Variants in MAP1S observed in about 807,000 individuals in gnomAD.
MAP1S encodes the protein microtubule-associated protein 1S.
MAP1S carries 27 observed loss-of-function variants against 60.9 expected under a neutral mutation model. That is an observed-to-expected ratio of 0.44 (90% CI 0.33 to 0.61). MAP1S has a LOEUF of 0.61. Ranked by LOEUF, MAP1S falls within the 20% of genes least tolerant of loss-of-function variation. The probability of loss-of-function intolerance (pLI) is 0.03; values close to 1 mark genes in which losing one functional copy is unlikely to be tolerated. For missense variants in MAP1S, 1,608 were observed against 1,486.6 expected, an observed-to-expected ratio of 1.08 and a Z score of -1.34; for synonymous variants, 826 against 694.2, an observed-to-expected ratio of 1.19 and a Z score of -2.98.
intron 5 of MAP1S, among the ~76,000 whole-genome samples, chr19:17,729,834 TG>T (rs1178323967): frequency 2.0e-5 from 3 of 152,186 alleles, no homozygotes; most frequent in Non-Finnish European, 2.9e-5. Context: ...AGCTAATTTT[TG>T]TATTTTTAGT....
chr19:17,724,369 C>T (rs540934874), intron 3 of MAP1S, among the ~76,000 whole-genome samples, 161 bp downstream of exon 3: 3 of 152,224 alleles, frequency 2.0e-5, no homozygotes, highest in African/African-American at 7.2e-5. Context: ...CTTCAGCCTC[C>T]GCTTCTTCCC....
At chr19:17,723,363 A>G (rs1398204576) in intron 2 of MAP1S, among the ~76,000 whole-genome samples, 12 of 151,222 alleles carry the variant, frequency 7.9e-5, no homozygotes. Context: ...CCTGACCCAC[A>G]TGTTAAAACC....
chr19:17,729,726 G>A (rs191622579), intron 5 of MAP1S, among the ~76,000 whole-genome samples: 12 of 152,042 alleles, frequency 7.9e-5, no homozygotes, highest in East Asian at 3.9e-4. Context: ...GCAGTGGTGC[G>A]ATCTGAGCTC....
rs758759181 is a variant in MAP1S at position 17,727,411 on chromosome 19, C to T, written c.2027C>T (p.Thr676Met). The change falls in exon 5 of 7, where the codon ACG becomes ATG. Residue 676 changes from threonine to methionine, a missense_variant. By Grantham distance (81) the Thr-to-Met change is moderately conservative. Coordinates refer to ENST00000324096, the MANE Select transcript of MAP1S (RefSeq NM_018174.6). The surrounding 1 kb of genome is among the most constrained non-coding windows in gnomAD (Gnocchi z 4.1). Reference protein sequence around the residue: ...PDASPTVTTPTVTTPSLPAEV... With the variant: ...PDASPTVTTPMVTTPSLPAEV... ...GCCTCACCCACAGTGACCACACCCA[C>T]GGTGACCACGCCCTCACTACCCGCA... The T allele has an allele frequency of 1.3e-6, 2 of 1,598,444 alleles. No homozygotes were observed. Among genetic ancestry groups the T allele is most frequent in the South Asian group, 1.1e-5 (1 of 89,520 alleles).
At chr19:17,724,253 C>T (rs1475977659) in intron 3 of MAP1S, 45 bp downstream of exon 3, 26 of 1,502,202 alleles carry the variant, frequency 1.7e-5, no homozygotes, top group East Asian at 4.5e-5. Context: ...TGCTGGGACC[C>T]GTGCCTTCTC....
At chr19:17,724,564 A>G (rs1375169988) in intron 3 of MAP1S, among the ~76,000 whole-genome samples, 4 of 152,180 alleles carry the variant, frequency 2.6e-5, no homozygotes, top group Non-Finnish European at 5.9e-5. Flanking sequence ...AACATTAACC[A>G]GCTTGTGGCC....
In MAP1S at chr19:17,727,701, C is replaced by G. The variant is rs780502234; in HGVS notation, c.2317C>G (p.Arg773Gly). The change falls in exon 5 of 7, where the codon CGG becomes GGG. Residue 773 changes from arginine to glycine, a missense_variant. Around this residue, in one of 4 missense-constraint regions of MAP1S, gnomAD observed 1,167 missense variants for 961.4 expected, o/e 1.21. Transcript: ENST00000324096. This position sits in a 1 kb window ranked among gnomAD's most constrained non-coding sequence, Gnocchi z 4.1. Reference protein sequence around the residue: ...SNDSSARSQERAGGLGAEETP... With the variant: ...SNDSSARSQEGAGGLGAEETP... ...TGACAGCAGTGCCCGGTCACAGGAA[C>G]GGGCAGGTGGGCTGGGGGCCGAGGA... The G allele has an allele frequency of 3.7e-6, 6 of 1,608,644 alleles. No individual in the cohort carries two copies. Among genetic ancestry groups the G allele is most frequent in the Non-Finnish European group, 5.1e-6 (6 of 1,178,616 alleles).
chr19:17,726,143 C>T lies in MAP1S; in HGVS notation c.759C>T (p.Ala253=), dbSNP rs374826659. 2.5e-5 allele frequency: 40 copies of T among 1,613,786 alleles called. No homozygotes were observed. The highest frequency in any genetic ancestry group is 7.7e-5 in the South Asian group (7 of 91,056). The change falls in exon 5 of 7, where the codon GCC becomes GCT. Residue 253 remains alanine (A), a synonymous_variant. Transcript: ENST00000324096. Reference sequence around the variant, plus strand: ...TCTTCCCTGGAGGCCTCGGGGATGCCGCCTTCTTCGCCGTCAATGGCTTCA... The same window carrying T: ...TCTTCCCTGGAGGCCTCGGGGATGCTGCCTTCTTCGCCGTCAATGGCTTCA... ...CYIFPGGLGD[A]AFFAVNGFTV...
Position 17,728,033 on chromosome 19 carries a change from T to C in MAP1S, c.2649T>C (p.Ala883=), listed in dbSNP as rs1473097123. 1 of 1,611,894 alleles carries C rather than the reference T, an allele frequency of 6.2e-7. No homozygotes were observed. Among genetic ancestry groups the C allele is most frequent in the East Asian group, 2.2e-5 (1 of 44,834 alleles). The change falls in exon 5 of 7, where the codon GCT becomes GCC. Residue 883 remains alanine, a synonymous_variant. Transcript: ENST00000324096. ...CCCCCAAAGCCACTCCAGTGGCTGC[T>C]GCCAAAACCAAGGGGCTTGCTGGTG... ...AAAPKATPVA[A]AKTKGLAGGD...
chr19:17,727,193 C>CCAGCTG lies in MAP1S; in HGVS notation c.1810_1815dup (p.Gln604_Leu605dup), dbSNP rs1295873173. ...GTGCAGCCTGCGGCTCTCCGGCCTC[C>CCAGCTG]CAGCTGGTGGCCACGCCCAGCCTGG... On this transcript the variant is annotated inframe_insertion, in exon 5 of 7. Coordinates refer to ENST00000324096, the MANE Select transcript of MAP1S (RefSeq NM_018174.6). This position sits in a 1 kb window ranked among gnomAD's most constrained non-coding sequence, Gnocchi z 4.1. The CCAGCTG allele has an allele frequency of 7.6e-6, 12 of 1,576,144 alleles. No individual in the cohort carries two copies. The highest frequency in any genetic ancestry group is 8.6e-6 in the Non-Finnish European group (10 of 1,165,244).
chr19:17,733,346 A>T lies in MAP1S; in HGVS notation c.2942A>T (p.Gln981Leu). 1 of 1,610,462 alleles carries T rather than the reference A, an allele frequency of 6.2e-7. No individual in the cohort carries two copies. The highest frequency in any genetic ancestry group is 8.5e-7 in the Non-Finnish European group (1 of 1,179,052). ...GCGCTCTGCTACGTCATCAGTGGCCAGGACCAGCGCAAGGAGGAAGGCATG... is the reference window on the plus strand; with the variant it reads ...GCGCTCTGCTACGTCATCAGTGGCCTGGACCAGCGCAAGGAGGAAGGCATG... ...VRALCYVISG[Q>L]DQRKEEGMRA... Residue 981 changes from glutamine to leucine, a missense_variant, in exon 6 of 7, where the codon CAG becomes CTG. By Grantham distance (113) the Gln-to-Leu change is moderately radical. Coordinates refer to ENST00000324096, the MANE Select transcript of MAP1S (RefSeq NM_018174.6).
intron 5 of MAP1S, among the ~76,000 whole-genome samples, chr19:17,728,558 C>CTTT (rs968904998): frequency 2.8e-5 from 4 of 142,764 alleles, no homozygotes; most frequent in African/African-American, 1.0e-4. Flanking sequence ...CAGTTCTGTT[C>CTTT]TTTTTTTTTT....
In MAP1S at chr19:17,726,392, C is replaced by CGT; in HGVS notation, c.1011_1012dup (p.Phe338CysfsTer23). 1 of 1,591,018 alleles carries CGT rather than the reference C, an allele frequency of 6.3e-7. No individual in the cohort carries two copies. The highest frequency in any genetic ancestry group is 8.5e-7 in the Non-Finnish European group (1 of 1,175,728). On this transcript the variant is annotated frameshift_variant, in exon 5 of 7. Transcript: ENST00000324096. LOFTEE classifies it high-confidence loss of function. Reference sequence around the variant, plus strand: ...GGCTCATCTCCCCCAACCTGGGGGTCGTGTTCTTCAACGCCTGCGAGGCCG... The same window carrying CGT: ...GGCTCATCTCCCCCAACCTGGGGGTCGTGTGTTCTTCAACGCCTGCGAGGCCG...
intron 2 of MAP1S, among the ~76,000 whole-genome samples, chr19:17,722,358 G>A (rs1027765712): frequency 1.3e-5 from 2 of 152,236 alleles, no homozygotes; most frequent in Admixed American, 6.5e-5. Flanking sequence ...AGCCCGAGGA[G>A]GGAGGATCGC....
Position 17,726,561 on chromosome 19 carries a change from C to T in MAP1S, c.1177C>T (p.Leu393=), listed in dbSNP as rs1462922797. 1.9e-6 allele frequency: 3 copies of T among 1,574,042 alleles called. No homozygotes were observed. Among genetic ancestry groups the T allele is most frequent in the Non-Finnish European group, 1.7e-6 (2 of 1,165,132 alleles). The change falls in exon 5 of 7, where the codon CTG becomes TTG. Residue 393 remains leucine, a synonymous_variant. Transcript: ENST00000324096. ...VLFEKMGVGR[L]DMYVLHPPSA... is the part of the protein sequence containing the mutation. Reference sequence around the variant, plus strand: ...CTTCGAGAAGATGGGCGTGGGCCGGCTGGACATGTATGTGCTGCACCCGCC... The same window carrying T: ...CTTCGAGAAGATGGGCGTGGGCCGGTTGGACATGTATGTGCTGCACCCGCC...
chr19:17,722,451 CA>C (rs2080378909), intron 2 of MAP1S, among the ~76,000 whole-genome samples: 2 of 150,720 alleles, frequency 1.3e-5, no homozygotes, highest in Non-Finnish European at 3.0e-5. Flanking sequence ...GACCCTGTCT[CA>C]AAAAAATAAA....
At chr19:17,732,981 G>C in intron 5 of MAP1S, 3 of 543,730 alleles carry the variant, frequency 5.5e-6, no homozygotes, top group Non-Finnish European at 9.7e-6. Context: ...GAGCCCAGGA[G>C]TTTGTGACGA....
In MAP1S at chr19:17,727,168, G is replaced by C. The variant is rs772950344; in HGVS notation, c.1784G>C (p.Ser595Thr). The change falls in exon 5 of 7, where the codon AGT becomes ACT. Residue 595 changes from serine (S) to threonine (T), a missense_variant. By Grantham distance (58) the Ser-to-Thr change is moderately conservative. Coordinates refer to ENST00000324096, the MANE Select transcript of MAP1S (RefSeq NM_018174.6). This position sits in a 1 kb window ranked among gnomAD's most constrained non-coding sequence, Gnocchi z 4.1. ...SLRCGEASPP[S>T]AACGSPASQL... is the part of the protein sequence containing the mutation. ...CGATGTGGAGAAGCCAGCCCCCCCA[G>C]TGCAGCCTGCGGCTCTCCGGCCTCC... The C allele has an allele frequency of 2.5e-6, 4 of 1,586,384 alleles. No homozygotes were observed. The Admixed American group carries it at 6.9e-5, about 27-fold the overall frequency.
rs772344722 is a variant in MAP1S at position 17,721,043 on chromosome 19, G to C, written c.220+6G>C. 2.7e-5 allele frequency: 43 copies of C among 1,612,770 alleles called. No individual in the cohort carries two copies. The highest frequency in any genetic ancestry group is 3.1e-5 in the Non-Finnish European group (37 of 1,178,872). On this transcript the variant is annotated splice_donor_region_variant and intron_variant, in intron 2 of 6. Transcript: ENST00000324096. ...CTTCTCCAGCATTGTGAAAGGTGAGGCTGGGGTCCCCCTGACTGCTCCCTA... is the reference window on the plus strand; with the variant it reads ...CTTCTCCAGCATTGTGAAAGGTGAGCCTGGGGTCCCCCTGACTGCTCCCTA...
Sources: gnomAD v4.1 joint callset for allele counts (sites outside exome capture counted in the v4.1 genomes callset) on GRCh38, gnomAD v4.1.1 for gene constraint, gnomAD v4.1.1 regional missense constraint, Gnocchi (gnomAD v3.1) non-coding constraint, MANE v1.5 for transcripts, NCBI Gene and HGNC (gene_info 2026-07-23, HGNC 2026-07-21) for gene names.